Variants in PHACTR4 observed in about 807,000 individuals in gnomAD.
PHACTR4 encodes the protein protein phosphatase 1, regulatory subunit 124.
A neutral mutation model predicts 72.7 loss-of-function variants in PHACTR4; 51 were observed. That is an observed-to-expected ratio of 0.70 (90% CI 0.56 to 0.89). PHACTR4 has a LOEUF of 0.89. Ranked by LOEUF, PHACTR4 falls within the 40% of genes least tolerant of loss-of-function variation. The probability of loss-of-function intolerance (pLI) is 0.00; values close to 1 mark genes in which losing one functional copy is unlikely to be tolerated. For missense variants in PHACTR4, 731 were observed against 861.8 expected (o/e 0.85, Z 1.90); for synonymous variants, 255 against 302.5 (o/e 0.84, Z 1.63).
At chr1:28,429,729 T>TA (rs1385755920) in intron 2 of PHACTR4, among the ~76,000 whole-genome samples, 1 of 152,174 alleles carries the variant, frequency 6.6e-6, no homozygotes, top group Non-Finnish European at 1.5e-5. Context: ...TAAGGATAAA[T>TA]ACATCATGGG....
At chr1:28,466,235 A>G in intron 5 of PHACTR4, 147 bp from the exon 6 acceptor site, 1 of 835,882 alleles carries the variant, frequency 1.2e-6, no homozygotes. Flanking sequence ...AAGTATGGGG[A>G]GGTTGGGAGG....
At chr1:28,401,469 G>A (rs1653943078) in intron 1 of PHACTR4, among the ~76,000 whole-genome samples, 1 of 151,682 alleles carries the variant, frequency 6.6e-6, no homozygotes, top group Non-Finnish European at 1.5e-5. Flanking sequence ...ACCATGCCCG[G>A]CTAATTTTTA....
At chr1:28,377,797 C>T (rs951692770) in intron 1 of PHACTR4, among the ~76,000 whole-genome samples, 1 of 149,314 alleles carries the variant, frequency 6.7e-6, no homozygotes, top group African/African-American at 2.5e-5. Context: ...CGCCACTGCA[C>T]TCTAGCCCAG....
At chr1:28,458,562 C>T (rs549366492) in intron 2 of PHACTR4, among the ~76,000 whole-genome samples, 1 of 152,252 alleles carries the variant, frequency 6.6e-6, no homozygotes, top group African/African-American at 2.4e-5. Context: ...TGCCCCGCAA[C>T]CCTGAGCACT....
chr1:28,450,564 A>C (rs1336347010), intron 2 of PHACTR4, among the ~76,000 whole-genome samples: 1 of 152,120 alleles, frequency 6.6e-6, no homozygotes, highest in Non-Finnish European at 1.5e-5. Context: ...ATTTTTTAAA[A>C]AACAGTGATG....
chr1:28,495,035 T>C (rs749017316), intron 13 of PHACTR4, among the ~76,000 whole-genome samples: 2 of 152,212 alleles, frequency 1.3e-5, no homozygotes, highest in South Asian at 2.1e-4. Context: ...ATTTCAAGCA[T>C]AGAATCAACA....
rs746009005 is a variant in PHACTR4, at chr1:28,429,364, A to AT, written c.16+21907dup. Among the ~76,000 whole-genome samples, 8 of 152,090 alleles carry AT rather than the reference A, an allele frequency of 5.3e-5. No individual in the cohort carries two copies. The East Asian group carries it at 7.7e-4, about 15-fold the overall frequency. Reference sequence around the variant, plus strand: ...TTCTCAAAAACCACATGAACATACCATTTTTTCCCCACAAAAGCAAGAGTT... The same window carrying AT: ...TTCTCAAAAACCACATGAACATACCATTTTTTTCCCCACAAAAGCAAGAGTT... On this transcript the variant is annotated intron_variant, in intron 2 of 13. Coordinates refer to ENST00000373839, the MANE Select transcript of PHACTR4 (RefSeq NM_001048183.3).
At chr1:28,393,271 G>A (rs376585412) in intron 1 of PHACTR4, among the ~76,000 whole-genome samples, 23 of 152,272 alleles carry the variant, frequency 1.5e-4, no homozygotes, top group African/African-American at 5.1e-4. Context: ...TAAGAGATAG[G>A]ACTTCTGGGA....
chr1:28,467,324 A>G (rs1237985114), intron 6 of PHACTR4: 2 of 152,902 alleles, frequency 1.3e-5, no homozygotes, highest in Non-Finnish European at 2.9e-5. Flanking sequence ...CCTATTTTTT[A>G]ATCTAATATT....
chr1:28,474,283 G>A, intron 7 of PHACTR4, 132 bp downstream of exon 7: 3 of 840,338 alleles, frequency 3.6e-6, no homozygotes, highest in Non-Finnish European at 5.6e-6. Flanking sequence ...ACTTTGGGAA[G>A]CTGAGGCAAA....
intron 4 of PHACTR4, 87 bp from the exon 5 acceptor site, chr1:28,465,598 G>C (rs1273781250): frequency 4.4e-6 from 6 of 1,355,774 alleles, no homozygotes; most frequent in African/African-American, 2.9e-5. Flanking sequence ...TTAAAAAAGA[G>C]AGAGAAAGAA....
intron 8 of PHACTR4, among the ~76,000 whole-genome samples, chr1:28,476,693 A>G (rs1476939534): frequency 6.6e-6 from 1 of 150,814 alleles, no homozygotes; most frequent in African/African-American, 2.4e-5. Context: ...GTGTGCCACA[A>G]CTGGTTAGGT....
At chr1:28,396,254 A>G (rs1034880544) in intron 1 of PHACTR4, among the ~76,000 whole-genome samples, 1 of 152,002 alleles carries the variant, frequency 6.6e-6, no homozygotes, top group African/African-American at 2.4e-5. Flanking sequence ...GCATGTAGCC[A>G]GGCACGGTGG....
At chr1:28,437,965 T>G (rs928312347) in intron 2 of PHACTR4, among the ~76,000 whole-genome samples, 2 of 152,174 alleles carry the variant, frequency 1.3e-5, no homozygotes, top group African/African-American at 2.4e-5. Flanking sequence ...AATTCTTTGG[T>G]GTACTCTTGA....
At chr1:28,373,942 A>G (rs901194744) in intron 1 of PHACTR4, among the ~76,000 whole-genome samples, 5 of 152,232 alleles carry the variant, frequency 3.3e-5, no homozygotes, top group Non-Finnish European at 7.3e-5. Context: ...CACACTTATT[A>G]CAGCTACTAA....
chr1:28,439,838 A>G (rs1187794891), intron 2 of PHACTR4, among the ~76,000 whole-genome samples: 1 of 152,166 alleles, frequency 6.6e-6, no homozygotes, highest in East Asian at 1.9e-4. Context: ...TCTACGCCAA[A>G]CATTAGTTGT....
At chr1:28,434,397 C>T (rs1487246206) in intron 2 of PHACTR4, among the ~76,000 whole-genome samples, 2 of 151,578 alleles carry the variant, frequency 1.3e-5, no homozygotes, top group Non-Finnish European at 2.9e-5. Context: ...TCTTGGCTCA[C>T]TGCAACCTCT....
At chr1:28,377,585 C>T (rs1205301719) in intron 1 of PHACTR4, among the ~76,000 whole-genome samples, 4 of 151,916 alleles carry the variant, frequency 2.6e-5, no homozygotes, top group South Asian at 2.1e-4. Flanking sequence ...GTGGTGGCTG[C>T]GGCCTGTAAT....
chr1:28,405,726 A>G (rs1654276463), intron 1 of PHACTR4, among the ~76,000 whole-genome samples: 1 of 151,716 alleles, frequency 6.6e-6, no homozygotes, highest in Non-Finnish European at 1.5e-5. Flanking sequence ...CTCTGTCTCT[A>G]CTAAAAATAC....
Sources: allele counts gnomAD v4.1 joint callset (sites outside exome capture counted in the v4.1 genomes callset), GRCh38; gene constraint gnomAD v4.1.1; transcripts MANE v1.5; gene names NCBI Gene and HGNC (gene_info 2026-07-23, HGNC 2026-07-21).